NLN: variants seen among roughly 807,000 people sequenced by gnomAD.
The protein encoded by NLN is neurolysin, also known as neurolysin, mitochondrial.
A neutral mutation model predicts 79.9 loss-of-function variants in NLN; 64 were observed. The observed-to-expected ratio is 0.80, with a 90% CI of 0.65 to 0.99. NLN has a LOEUF of 0.99. Among genes scored for constraint, NLN ranks in the 50% least tolerant of loss-of-function variants. The pLI is 0.00. For synonymous variants in NLN, 267 were observed against 296.6 expected, an observed-to-expected ratio of 0.90 and a Z score of 1.02; for missense variants, 835 against 858.7, an observed-to-expected ratio of 0.97 and a Z score of 0.34.
intron 1 of NLN, among the ~76,000 whole-genome samples, chr5:65,748,232 G>T (rs1759028119): frequency 6.6e-6 from 1 of 152,042 alleles, no homozygotes; most frequent in African/African-American, 2.4e-5. Flanking sequence ...CAGTCATCCA[G>T]GTCGAAGGGT....
At chr5:65,808,356 C>G (rs1760467488) in intron 9 of NLN, among the ~76,000 whole-genome samples, 1 of 152,134 alleles carries the variant, frequency 6.6e-6, no homozygotes, top group South Asian at 2.1e-4. Flanking sequence ...CTTCCCTTTC[C>G]CCTCCGTGTG....
intron 3 of NLN, among the ~76,000 whole-genome samples, chr5:65,772,914 A>G (rs1182461401): frequency 6.8e-6 from 1 of 147,440 alleles, no homozygotes; most frequent in East Asian, 2.0e-4. Flanking sequence ...TTATCCTATT[A>G]TAATTCCTTA....
intron 1 of NLN, among the ~76,000 whole-genome samples, chr5:65,726,095 G>C (rs1246423099): frequency 7.1e-6 from 1 of 141,262 alleles, no homozygotes; most frequent in Non-Finnish European, 1.5e-5. Context: ...CTGGGCGACA[G>C]AGCGAGACTC....
At chr5:65,785,628 A>G (rs1759902550) in intron 6 of NLN, 147 bp from the exon 7 acceptor site, 3 of 569,974 alleles carry the variant, frequency 5.3e-6, no homozygotes, top group South Asian at 3.7e-5. Flanking sequence ...AAAAGCCTAT[A>G]ACACCAAAAT....
chr5:65,786,040 T>C (rs1383523709), intron 7 of NLN, 130 bp downstream of exon 7: 7 of 771,954 alleles, frequency 9.1e-6, no homozygotes, highest in Non-Finnish European at 1.4e-5. Context: ...ATTGATCACC[T>C]ATTAAGTGTT....
chr5:65,791,896 T>C (rs1427038993), intron 8 of NLN, among the ~76,000 whole-genome samples: 2 of 152,194 alleles, frequency 1.3e-5, no homozygotes, highest in African/African-American at 2.4e-5. Flanking sequence ...ATTGATAGTA[T>C]AATTTATGCA....
In NLN at chr5:65,809,522, T is replaced by C; in HGVS notation, c.1535T>C (p.Phe512Ser). ...VMHQICAQTD[F>S]ARFSGTNVET... is the part of the protein sequence containing the mutation. ...TCTGTGTTTGCTTTCTAGACTGATT[T>C]TGCACGATTTAGCGGAACAAATGTG... The change falls in exon 10 of 13, where the codon TTT becomes TCT. Residue 512 changes from phenylalanine (F) to serine (S), a missense_variant. By Grantham distance (155) the Phe-to-Ser change is radical. Transcript: ENST00000380985. 1 of 1,596,232 alleles carries C rather than the reference T, an allele frequency of 6.3e-7. No homozygotes were observed. Among genetic ancestry groups the C allele is most frequent in the Non-Finnish European group, 8.5e-7 (1 of 1,174,544 alleles).
intron 3 of NLN, among the ~76,000 whole-genome samples, chr5:65,777,022 C>T (rs1327306696): frequency 6.6e-6 from 1 of 152,132 alleles, no homozygotes; most frequent in East Asian, 1.9e-4. Context: ...CTATTCCTGC[C>T]TTTCAAGTAG....
chr5:65,722,351 G>C lies in NLN; in HGVS notation c.-23G>C. ...CACGCCGAAGGACCACGCGCCCGCC[G>C]CCGCCAGCCTCTCAGCGCTCCCATG... On this transcript the variant is annotated 5_prime_UTR_variant, in exon 1 of 13. Transcript: ENST00000380985. The C allele has an allele frequency of 6.5e-7, 1 of 1,547,524 alleles. No individual in the cohort carries two copies. The highest frequency in any genetic ancestry group is 8.7e-7 in the Non-Finnish European group (1 of 1,150,430).
Position 65,781,397 on chromosome 5 carries a change from G to A in NLN, c.798G>A (p.Met266Ile). 6.2e-7 allele frequency: 1 copy of A among 1,608,440 alleles called. No individual in the cohort carries two copies. Among genetic ancestry groups the A allele is most frequent in the Admixed American group, 1.7e-5 (1 of 59,794 alleles). The stretch of plus-strand genomic sequence containing the variant: ...CTGAAACCAGAAGAAGGATGGAAAT[G>A]GCTTTTAATACAAGGTGCAAAGAGG... Reference protein sequence around the residue: ...CIPETRRRMEMAFNTRCKEEN... With the variant: ...CIPETRRRMEIAFNTRCKEEN... Residue 266 changes from methionine (M) to isoleucine (I), a missense_variant, in exon 6 of 13, where the codon ATG becomes ATA. Physicochemically the swap from Met to Ile is conservative, Grantham distance 10 (BLOSUM62 1). Coordinates refer to ENST00000380985, the MANE Select transcript of NLN (RefSeq NM_020726.5).
At chr5:65,800,546 G>A (rs1436521386) in intron 9 of NLN, among the ~76,000 whole-genome samples, 1 of 152,044 alleles carries the variant, frequency 6.6e-6, no homozygotes, top group Non-Finnish European at 1.5e-5. Context: ...ATGGTGGCGG[G>A]CGCCTGTAGC....
intron 8 of NLN, among the ~76,000 whole-genome samples, chr5:65,789,783 A>C (rs1162266389): frequency 6.6e-6 from 1 of 152,190 alleles, no homozygotes; most frequent in African/African-American, 2.4e-5. Context: ...GCACCAAAAT[A>C]TTTATTAGAT....
intron 3 of NLN, among the ~76,000 whole-genome samples, chr5:65,766,275 T>C (rs1394068948): frequency 1.3e-5 from 2 of 152,094 alleles, no homozygotes; most frequent in African/African-American, 2.4e-5. Context: ...AAGAAAGAGG[T>C]TTAATTGACT....
Position 65,822,905 on chromosome 5 carries a change from A to G in NLN, c.2105A>G (p.His702Arg), listed in dbSNP as rs1400405229. The part of the protein sequence containing the change: ...QKAFLMSRGL[H>R]AP ...GCGTTCCTAATGAGTAGAGGCCTGCATGCTCCGTGAACTGGGGATCTTTGG... is the reference window on the plus strand; with the variant it reads ...GCGTTCCTAATGAGTAGAGGCCTGCGTGCTCCGTGAACTGGGGATCTTTGG... Residue 702 changes from histidine (H) to arginine (R), a missense_variant, in exon 13 of 13, where the codon CAT becomes CGT. Physicochemically the swap from His to Arg is conservative, Grantham distance 29. Transcript: ENST00000380985. 2 of 1,613,760 alleles carry G rather than the reference A, an allele frequency of 1.2e-6. No individual in the cohort carries two copies. The highest frequency in any genetic ancestry group is 1.7e-6 in the Non-Finnish European group (2 of 1,179,690).
intron 9 of NLN, among the ~76,000 whole-genome samples, chr5:65,801,432 A>G (rs980088595): frequency 1.3e-5 from 2 of 152,204 alleles, no homozygotes; most frequent in Admixed American, 6.5e-5. Flanking sequence ...TTCTGTGTGG[A>G]CATACACAGT....
intron 9 of NLN, among the ~76,000 whole-genome samples, chr5:65,796,896 T>A (rs72768039): frequency 0.036 from 5,476 of 152,314 alleles, 128 homozygotes; most frequent in East Asian, 0.067. Context: ...GTTTGAGCTC[T>A]CCACTGTGGC....
chr5:65,800,663 C>CTTTTTTTTTATTTAT (rs10639871), intron 9 of NLN, among the ~76,000 whole-genome samples: 29 of 142,880 alleles, frequency 2.0e-4, no homozygotes, highest in African/African-American at 3.5e-4. Flanking sequence ...AGAAAACTCT[C>CTTTTTTTTTATTTAT]TTATTTATTT....
At chr5:65,770,618 A>G (rs751658629) in intron 3 of NLN, among the ~76,000 whole-genome samples, 65 of 152,362 alleles carry the variant, frequency 4.3e-4, no homozygotes, top group Admixed American at 1.4e-3. Context: ...ACTTAGTATT[A>G]GAAAGTTGGA....
At chr5:65,812,643 A>T (rs577737654) in intron 12 of NLN, among the ~76,000 whole-genome samples, 3 of 152,346 alleles carry the variant, frequency 2.0e-5, no homozygotes, top group African/African-American at 7.2e-5. Flanking sequence ...ATAATTAAAA[A>T]TTCAAAGCTT....
Sources: allele counts gnomAD v4.1 joint callset (sites outside exome capture counted in the v4.1 genomes callset), GRCh38; gene constraint gnomAD v4.1.1; transcripts MANE v1.5; gene names NCBI Gene and HGNC (gene_info 2026-07-23, HGNC 2026-07-21).